TMEM91: variants seen among roughly 807,000 people sequenced by gnomAD.
TMEM91 encodes the protein transmembrane protein 91, also known as dispanin subfamily C member 3.
In TMEM91, 6 loss-of-function variants were observed where a neutral mutation model predicts 13.3. That is an observed-to-expected ratio of 0.45 (90% CI 0.25 to 0.89). TMEM91 has a LOEUF of 0.89. Ranked by LOEUF, TMEM91 falls within the 40% of genes least tolerant of loss-of-function variation. The pLI is 0.19. For missense variants in TMEM91, 193 were observed against 228.7 expected (o/e 0.84, Z 1.01); for synonymous variants, 87 against 101.7 (o/e 0.86, Z 0.87).
At chr19:41,383,427 G>T (rs2038938897) in intron 3 of TMEM91, 1 of 1,071,086 alleles carries the variant, frequency 9.3e-7, no homozygotes, top group Admixed American at 3.6e-5. Flanking sequence ...GGGAATAATT[G>T]CTACCTCTGG....
chr19:41,377,982 C>G (rs1187955138), intron 1 of TMEM91, among the ~76,000 whole-genome samples: 1 of 146,452 alleles, frequency 6.8e-6, no homozygotes. Context: ...CCACTGCACT[C>G]TAGCGGATCT....
intron 1 of TMEM91, among the ~76,000 whole-genome samples, chr19:41,370,279 G>A (rs1040848912): frequency 6.6e-6 from 1 of 151,896 alleles, no homozygotes; most frequent in African/African-American, 2.4e-5. Flanking sequence ...GTTTCTCCAT[G>A]TTGGTCAGAC....
intron 1 of TMEM91, among the ~76,000 whole-genome samples, chr19:41,367,108 T>C (rs1348204087): frequency 1.3e-5 from 2 of 151,950 alleles, no homozygotes; most frequent in African/African-American, 4.8e-5. Context: ...GCCACCGCAC[T>C]TCAGCCTGGG....
chr19:41,370,469 C>G (rs2038597562), intron 1 of TMEM91, among the ~76,000 whole-genome samples: 1 of 151,292 alleles, frequency 6.6e-6, no homozygotes, highest in Non-Finnish European at 1.5e-5. Flanking sequence ...TGCAGTGGCA[C>G]CGTGTCAGCT....
intron 1 of TMEM91, among the ~76,000 whole-genome samples, chr19:41,365,491 G>A (rs1599916097): frequency 1.3e-5 from 2 of 151,978 alleles, no homozygotes; most frequent in East Asian, 3.9e-4. Flanking sequence ...TGCAATCTCT[G>A]CCTCCCGGGT....
chr19:41,370,564 G>A (rs548327060), intron 1 of TMEM91, among the ~76,000 whole-genome samples: 44 of 151,006 alleles, frequency 2.9e-4, no homozygotes, highest in African/African-American at 1.0e-3. Flanking sequence ...GTGCCACCTT[G>A]TCCAGCTAAT....
intron 3 of TMEM91, 185 bp downstream of exon 3, chr19:41,383,106 T>A: frequency 1.3e-6 from 1 of 782,984 alleles, no homozygotes; most frequent in South Asian, 1.8e-5. Context: ...CAGGCTGGAG[T>A]GCAGTGGTAC....
In TMEM91 at chr19:41,383,949, G is replaced by C; in HGVS notation, c.*76G>C. 5 of 1,558,064 alleles carry C rather than the reference G, an allele frequency of 3.2e-6. No individual in the cohort carries two copies. The highest frequency in any genetic ancestry group is 4.3e-6 in the Non-Finnish European group (5 of 1,159,032). ...CTGTGGGCAGAGAGTGGAGAATCTT[G>C]GTGGATGAGGCTGCGGCGGCGGCAG... On this transcript the variant is annotated 3_prime_UTR_variant, in exon 4 of 4. Transcript: ENST00000392002.
At chr19:41,375,433 C>G (rs1410619936), upstream of TMEM91, among the ~76,000 whole-genome samples, 1 of 151,136 alleles carries the variant, frequency 6.6e-6, no homozygotes, top group Non-Finnish European at 1.5e-5. Context: ...CGCCCGCCAC[C>G]AAGCCCGGCT....
intron 2 of TMEM91, among the ~76,000 whole-genome samples, chr19:41,380,188 C>T (rs911673491): frequency 2.6e-5 from 4 of 152,016 alleles, no homozygotes; most frequent in Non-Finnish European, 5.9e-5. Flanking sequence ...GCCACCGTGC[C>T]CAGCCGAGTC....
At chr19:41,375,273 CTTTTTTT>C (rs906641411), upstream of TMEM91, among the ~76,000 whole-genome samples, 821 of 58,628 alleles carry the variant, frequency 0.014, 14 homozygotes, top group African/African-American at 0.053. Flanking sequence ...ATTTTCTTTT[CTTTTTTT>C]TTTTTTTTTT....
At chr19:41,375,988 C>T (rs971896283), upstream of TMEM91, among the ~76,000 whole-genome samples, 1 of 152,010 alleles carries the variant, frequency 6.6e-6, no homozygotes, top group African/African-American at 2.4e-5. Flanking sequence ...GGCGTGGTGG[C>T]TTGCCCCTGT....
At position 41,364,077 on chromosome 19, in the gene TMEM91, C is replaced by T. The variant is rs370117663; in HGVS notation, c.-48C>T. 8.6e-4 allele frequency: 143 copies of T among 166,350 alleles called. 4 individuals carry two copies. In the South Asian group the frequency reaches 0.016, roughly 19 times the overall value. 10.3% of individuals were successfully genotyped at this position (166,350 alleles called of 1,614,324 possible). A position where few individuals can be genotyped will look rare whatever the true frequency, so the allele number is the denominator to read the frequency against. On this transcript the variant is annotated 5_prime_UTR_variant, in exon 1 of 4. Transcript: ENST00000413014. Reference sequence around the variant, plus strand: ...GCCTGGCTCGCGCCTCTCCCAGGACCCGCCTGGCTGCGAGATATGTAAGCC... The same window carrying T: ...GCCTGGCTCGCGCCTCTCCCAGGACTCGCCTGGCTGCGAGATATGTAAGCC...
chr19:41,378,585 C>T, intron 2 of TMEM91, 66 bp downstream of exon 2: 2 of 1,548,996 alleles, frequency 1.3e-6, no homozygotes, highest in Non-Finnish European at 1.8e-6. Context: ...CTAAGGCCAG[C>T]ATCTGGCAGG....
At chr19:41,383,493 T>A (rs2038940634) in intron 3 of TMEM91, 3 of 1,428,886 alleles carry the variant, frequency 2.1e-6, no homozygotes, top group African/African-American at 2.9e-5. Flanking sequence ...TTAATGTTTT[T>A]ATTTATTTTT....
upstream of TMEM91, among the ~76,000 whole-genome samples, chr19:41,373,495 G>A (rs73047224): frequency 0.041 from 6,130 of 149,944 alleles, 165 homozygotes; most frequent in Middle Eastern, 0.061. Flanking sequence ...GTTTTAGGCC[G>A]TGAGGCACAG....
chr19:41,367,563 G>A (rs1005046478), intron 1 of TMEM91, among the ~76,000 whole-genome samples: 1 of 152,138 alleles, frequency 6.6e-6, no homozygotes, highest in Non-Finnish European at 1.5e-5. Context: ...CCTGGGAGGC[G>A]GAGGTTGCAG....
chr19:41,381,334 G>A (rs2038880854), intron 2 of TMEM91, among the ~76,000 whole-genome samples: 1 of 150,938 alleles, frequency 6.6e-6, no homozygotes, highest in African/African-American at 2.4e-5. Flanking sequence ...TGAGACTACA[G>A]GCACAAGACA....
chr19:41,366,518 C>T (rs1303516950), intron 1 of TMEM91, among the ~76,000 whole-genome samples: 3 of 152,148 alleles, frequency 2.0e-5, no homozygotes, highest in Admixed American at 2.0e-4. Flanking sequence ...AAGTCAGGTC[C>T]CATCTGCTCA....
Sources: gnomAD v4.1 joint callset for allele counts (sites outside exome capture counted in the v4.1 genomes callset) on GRCh38, gnomAD v4.1.1 for gene constraint, MANE v1.5 for transcripts, NCBI Gene and HGNC (gene_info 2026-07-23, HGNC 2026-07-21) for gene names.